MTMR6: variants seen among roughly 807,000 people sequenced by gnomAD.
MTMR6 encodes myotubularin related protein 6.
In MTMR6, 47 loss-of-function variants were observed where a neutral mutation model predicts 80.1. That is an observed-to-expected ratio of 0.59 (90% CI 0.46 to 0.75). MTMR6 has a LOEUF of 0.75. MTMR6 is among the 30% of genes least tolerant of loss of function. MTMR6 has a pLI of 0.00. For missense variants in MTMR6, 629 were observed against 730.9 expected (o/e 0.86, Z 1.61); for synonymous variants, 254 against 253.0 (o/e 1.00, Z -0.04).
At position 25,265,916 on chromosome 13, in the gene MTMR6, A is replaced by C. The variant is rs1240365931; in HGVS notation, c.494T>G (p.Val165Gly). 4 of 1,614,070 alleles carry C rather than the reference A, an allele frequency of 2.5e-6. No homozygotes were observed. The highest frequency in any genetic ancestry group is 3.4e-6 in the Non-Finnish European group (4 of 1,179,902). Residue 165 changes from valine (V) to glycine (G), a missense_variant, in exon 5 of 14, where the codon GTT (valine) becomes GGT (glycine). Physicochemically the swap from Val to Gly is moderately radical, Grantham distance 109 (BLOSUM62 -3). Coordinates refer to ENST00000381801, the MANE Select transcript of MTMR6 (RefSeq NM_004685.5). ...ICETYPRELYVPRIASKPIIV... is the reference protein window; with the variant it reads ...ICETYPRELYGPRIASKPIIV... ...TATTGGTTTGCTTGCTATCCGGGGAACATAAAGTTCTCTGGGGTAAGTTTC... is the reference window on the plus strand; with the variant it reads ...TATTGGTTTGCTTGCTATCCGGGGACCATAAAGTTCTCTGGGGTAAGTTTC...
intron 1 of MTMR6, among the ~76,000 whole-genome samples, chr13:25,280,890 A>AT: frequency 6.6e-6 from 1 of 152,232 alleles, no homozygotes; most frequent in East Asian, 1.9e-4. Flanking sequence ...TTTAAGGACT[A>AT]TTTAGTTGAA....
At chr13:25,280,672 C>T (rs1024122496) in intron 1 of MTMR6, among the ~76,000 whole-genome samples, 1 of 152,040 alleles carries the variant, frequency 6.6e-6, no homozygotes, top group Non-Finnish European at 1.5e-5. Context: ...GAAGCAACTA[C>T]AATTCTTTCT....
intron 5 of MTMR6, among the ~76,000 whole-genome samples, chr13:25,264,737 A>G (rs959971175): frequency 1.4e-5 from 2 of 147,002 alleles, no homozygotes. Flanking sequence ...CCTGGGCAAC[A>G]AGAGAAACTC....
At position 25,249,301 on chromosome 13, in the gene MTMR6, T is replaced by TGTA. The variant is rs780567939; in HGVS notation, c.1796_1797insTAC (p.Ala599_Glu600insThr). ...CAGGTTCTGATTTAGAAAACTCTTC[T>TGTA]GCATATTCACTATAACGATTATCTG... On this transcript the variant is annotated inframe_insertion, in exon 14 of 14. Coordinates refer to ENST00000381801, the MANE Select transcript of MTMR6 (RefSeq NM_004685.5). 1.2e-6 allele frequency: 2 copies of TGTA among 1,614,124 alleles called. No individual in the cohort carries two copies. Among genetic ancestry groups the TGTA allele is most frequent in the Non-Finnish European group, 1.7e-6 (2 of 1,179,952 alleles).
intron 1 of MTMR6, among the ~76,000 whole-genome samples, chr13:25,277,192 C>T (rs373184368): frequency 2.6e-5 from 4 of 152,152 alleles, no homozygotes; most frequent in East Asian, 3.9e-4. Context: ...ACTGGAAATC[C>T]GTGAATGATC....
Position 25,249,287 on chromosome 13 carries a change from T to A in MTMR6, c.1811A>T (p.Lys604Ile). The change falls in exon 14 of 14, where the codon AAA becomes ATA. Residue 604 changes from lysine to isoleucine, a missense_variant. Coordinates refer to ENST00000381801, the MANE Select transcript of MTMR6 (RefSeq NM_004685.5). ...TAAGCTGACCACAGCAGGTTCTGAT[T>A]TAGAAAACTCTTCTGCATATTCACT... is the stretch of plus-strand genomic sequence containing the variant. ...RYSEYAEEFS[K>I]SEPAVVSLEY... The A allele has an allele frequency of 6.2e-7, 1 of 1,614,104 alleles. No individual in the cohort carries two copies. The highest frequency in any genetic ancestry group is 8.5e-7 in the Non-Finnish European group (1 of 1,179,960).
At chr13:25,249,763 A>G (rs1957047136) in intron 13 of MTMR6, among the ~76,000 whole-genome samples, 1 of 152,118 alleles carries the variant, frequency 6.6e-6, no homozygotes, top group South Asian at 2.1e-4. Context: ...TTCCACACTT[A>G]AAATGGACAT....
rs778804235 is a variant in MTMR6, at chr13:25,257,206, T to A, written c.1085A>T (p.Lys362Ile). ...LLLDSYYRTI[K>I]GFMVLIEKDW... ...CAAATAAATCCTTACCATGAATCCTTTGATTGTCCTGTAGTAGGAATCCAA... is the reference window on the plus strand; with the variant it reads ...CAAATAAATCCTTACCATGAATCCTATGATTGTCCTGTAGTAGGAATCCAA... The change falls in exon 9 of 14, where the codon AAA becomes ATA. Residue 362 changes from lysine to isoleucine, a missense_variant. By Grantham distance (102) the Lys-to-Ile change is moderately radical. Transcript: ENST00000381801. The A allele has an allele frequency of 3.7e-6, 6 of 1,613,304 alleles. No individual in the cohort carries two copies. The South Asian group carries it at 6.6e-5, about 18-fold the overall frequency.
chr13:25,272,651 G>A (rs889609700), intron 2 of MTMR6, among the ~76,000 whole-genome samples: 2 of 151,974 alleles, frequency 1.3e-5, no homozygotes, highest in Admixed American at 1.3e-4. Context: ...CTTTGTGCTC[G>A]TATGTACCCA....
At position 25,253,102 on chromosome 13, in the gene MTMR6, T is replaced by C. The variant is rs376439296; in HGVS notation, c.1346+662A>G. ...TAAGACCTACTCCAGAGATCTTCCT[T>C]ACAGCAAAATTTAGGCAAAAACCCC... On this transcript the variant is annotated intron_variant, in intron 11 of 13. Coordinates refer to ENST00000381801, the MANE Select transcript of MTMR6 (RefSeq NM_004685.5). Among the ~76,000 whole-genome samples the C allele has an allele frequency of 5.3e-5, 8 of 152,224 alleles. No homozygotes were observed. The South Asian group carries it at 1.0e-3, about 20-fold the overall frequency.
At chr13:25,258,467 T>A (rs1957262691) in intron 7 of MTMR6, 93 bp downstream of exon 7, 1 of 1,085,520 alleles carries the variant, frequency 9.2e-7, no homozygotes, top group Non-Finnish European at 1.3e-6. Context: ...TTTTACTTTT[T>A]AAAATGTGAC....
intron 1 of MTMR6, among the ~76,000 whole-genome samples, chr13:25,277,795 A>G (rs933650223): frequency 6.6e-6 from 1 of 152,188 alleles, no homozygotes; most frequent in Admixed American, 6.5e-5. Flanking sequence ...CCATCATTCG[A>G]TTAGAATAAA....
chr13:25,270,358 TAAAC>T (rs1267863472), intron 2 of MTMR6, among the ~76,000 whole-genome samples: 2 of 152,174 alleles, frequency 1.3e-5, no homozygotes, highest in Admixed American at 6.5e-5. Context: ...TCTAGTATAT[TAAAC>T]AAACTTCATT....
At chr13:25,286,329 G>A (rs1403467613) in intron 1 of MTMR6, among the ~76,000 whole-genome samples, 1 of 152,188 alleles carries the variant, frequency 6.6e-6, no homozygotes, top group Admixed American at 6.5e-5. Flanking sequence ...AGCAACTAAA[G>A]GGCTTCAGCT....
chr13:25,251,748 A>G lies in MTMR6; in HGVS notation c.1506T>C (p.Phe502=). The G allele has an allele frequency of 6.2e-7, 1 of 1,605,448 alleles. No homozygotes were observed. The highest frequency in any genetic ancestry group is 8.5e-7 in the Non-Finnish European group (1 of 1,175,534). ...FKFWRNMYHQ[F]DRTLHPRQSV... ...ACTGCCTAGGATGCAGTGTTCGATC[A>G]AATTGATGGTACATGTTCCTCCAAA... is the stretch of plus-strand genomic sequence containing the variant. The change falls in exon 13 of 14, where the codon TTT becomes TTC. Residue 502 remains phenylalanine, a synonymous_variant. Transcript: ENST00000381801. This position sits in a 1 kb window ranked among gnomAD's most constrained non-coding sequence, Gnocchi z 4.1.
chr13:25,274,273 C>T (rs1957656066), intron 1 of MTMR6, 86 bp from the exon 2 acceptor site: 1 of 723,682 alleles, frequency 1.4e-6, no homozygotes, highest in South Asian at 2.0e-5. Flanking sequence ...GCAACATTCT[C>T]AATTTTTTCT....
chr13:25,279,021 G>A (rs1278222929), intron 1 of MTMR6, among the ~76,000 whole-genome samples: 1 of 152,066 alleles, frequency 6.6e-6, no homozygotes, highest in Non-Finnish European at 1.5e-5. Context: ...AAATGTACTG[G>A]CTATCAACTA....
At chr13:25,282,674 C>T (rs1182071641) in intron 1 of MTMR6, among the ~76,000 whole-genome samples, 2 of 150,572 alleles carry the variant, frequency 1.3e-5, no homozygotes, top group East Asian at 2.0e-4. Context: ...GGCACGATCT[C>T]GGCTCACTGC....
Position 25,273,587 on chromosome 13 carries a change from G to A in MTMR6, c.141+484C>T, listed in dbSNP as rs576027248. Reference sequence around the variant, plus strand: ...GTCACCCAGGCTGGAGTGCAATGGCGCGATCTCGGCTCACTGCAACCTCCG... The same window carrying A: ...GTCACCCAGGCTGGAGTGCAATGGCACGATCTCGGCTCACTGCAACCTCCG... On this transcript the variant is annotated intron_variant, in intron 2 of 13. Transcript: ENST00000381801. Among the ~76,000 whole-genome samples, 421 of 149,634 alleles carry A rather than the reference G, an allele frequency of 2.8e-3. 2 individuals carry two copies. Among genetic ancestry groups the A allele is most frequent in the African/African-American group, 9.7e-3 (392 of 40,614 alleles).
Sources: gnomAD v4.1 joint callset for allele counts (sites outside exome capture counted in the v4.1 genomes callset) on GRCh38, gnomAD v4.1.1 for gene constraint, Gnocchi (gnomAD v3.1) non-coding constraint, MANE v1.5 for transcripts, NCBI Gene and HGNC (gene_info 2026-07-23, HGNC 2026-07-21) for gene names.